Variants in SIVA1 observed in about 807,000 individuals in gnomAD.
SIVA1 encodes apoptosis regulatory protein Siva.
SIVA1 carries 10 observed loss-of-function variants against 19.7 expected under a neutral mutation model. That is an observed-to-expected ratio of 0.51 (90% CI 0.31 to 0.86). The LOEUF (loss-of-function observed/expected upper bound fraction) is 0.86, where lower values mean the gene tolerates loss of function less well. SIVA1 is among the 40% of genes least tolerant of loss of function. The probability of loss-of-function intolerance (pLI) is 0.04; values close to 1 mark genes in which losing one functional copy is unlikely to be tolerated. For synonymous variants in SIVA1, 130 were observed against 106.1 expected (o/e 1.23, Z -1.39); for missense variants, 241 against 245.2 (o/e 0.98, Z 0.11).
chr14:104,754,284 C>T (rs574970592), intron 1 of SIVA1, among the ~76,000 whole-genome samples: 1 of 152,186 alleles, frequency 6.6e-6, no homozygotes, highest in South Asian at 2.1e-4. Context: ...TACCTGGTGC[C>T]GCTTGTGCCT....
chr14:104,758,832 GT>G (rs1017407397), intron 3 of SIVA1: 2 of 152,394 alleles, frequency 1.3e-5, no homozygotes, highest in African/African-American at 4.8e-5. Flanking sequence ...GAAAAGCACT[GT>G]TTGATGTGCT....
At chr14:104,754,846 G>A (rs1046920341) in intron 1 of SIVA1, among the ~76,000 whole-genome samples, 1 of 152,198 alleles carries the variant, frequency 6.6e-6, no homozygotes, top group Non-Finnish European at 1.5e-5. Flanking sequence ...CTCCATGTGA[G>A]TTACCCTGTC....
In SIVA1 at chr14:104,756,615, G is replaced by T. The variant is rs754470403; in HGVS notation, c.325G>T (p.Val109Leu). 234 of 1,614,082 alleles carry T rather than the reference G, an allele frequency of 1.4e-4. No homozygotes were observed. Among genetic ancestry groups the T allele is most frequent in the Non-Finnish European group, 1.8e-4 (214 of 1,180,054 alleles). Residue 109 changes from valine (V) to leucine (L), a missense_variant, in exon 3 of 4, where the codon GTA becomes TTA. Transcript: ENST00000329967. Reference protein sequence around the residue: ...GQASEADPSGVASIACSSCVR... With the variant: ...GQASEADPSGLASIACSSCVR... ...TTTCTTCCTCACAGACCCATCTGGG[G>T]TAGCGTCCATTGCCTGTTCCTCATG...
intron 1 of SIVA1, 55 bp from the exon 2 acceptor site, chr14:104,755,575 C>T: frequency 6.7e-7 from 1 of 1,493,214 alleles, no homozygotes; most frequent in Non-Finnish European, 9.2e-7. Flanking sequence ...AATGGCCATG[C>T]AGGGGCTTCG....
rs1566810687 is a variant in SIVA1, at chr14:104,759,238, G to T, written c.471-190G>T. ...ACGTAGTCTTTTTAGGACGCTGGTC[G>T]TGTTGCCTTAGGGCCCCCATGTCAG... On this transcript the variant is annotated intron_variant, in intron 3 of 3. Transcript: ENST00000329967. The surrounding 1 kb of genome is among the most constrained non-coding windows in gnomAD (Gnocchi z 4.2). The T allele has an allele frequency of 6.1e-6, 3 of 487,936 alleles. No homozygotes were observed. Among genetic ancestry groups the T allele is most frequent in the Non-Finnish European group, 1.1e-5 (3 of 273,556 alleles). The allele number at this position is 487,936 out of a possible 1,614,324, so 30.2% of individuals were successfully genotyped here. A position where few individuals can be genotyped will look rare whatever the true frequency, so the allele number is the denominator to read the frequency against.
chr14:104,756,901 C>T, intron 3 of SIVA1, 141 bp downstream of exon 3: 1 of 975,082 alleles, frequency 1.0e-6, no homozygotes, highest in Non-Finnish European at 1.5e-6. Context: ...CCTAACGGGA[C>T]ATGGTGGCAA....
intron 1 of SIVA1, chr14:104,753,569 A>G: frequency 1.9e-6 from 1 of 516,328 alleles, no homozygotes; most frequent in Non-Finnish European, 3.5e-6. Flanking sequence ...CCCTGCCCCT[A>G]GCCCCCGCGC....
chr14:104,756,857 C>CAT (rs34992074), intron 3 of SIVA1, 97 bp downstream of exon 3: 707,232 of 1,361,472 alleles, frequency 0.52, 186,742 homozygotes, highest in African/African-American at 0.67. Flanking sequence ...AGAACACACA[C>CAT]GTGTGGCCCC....
At chr14:104,756,946 C>T (rs1015647919) in intron 3 of SIVA1, 186 bp downstream of exon 3, 4 of 655,152 alleles carry the variant, frequency 6.1e-6, no homozygotes, top group Non-Finnish European at 1.0e-5. Flanking sequence ...GTTAGTAATC[C>T]TCTCTAAGGG....
chr14:104,753,391 CTG>C, intron 1 of SIVA1, 72 bp downstream of exon 1: 7 of 1,035,768 alleles, frequency 6.8e-6, no homozygotes, highest in Non-Finnish European at 9.7e-6. Flanking sequence ...AGCGTCCCCT[CTG>C]AGGCCTGAGC....
rs200492089 is a variant in SIVA1, at chr14:104,753,243, A to G, written c.42A>G (p.Leu14=). 5.0e-6 allele frequency: 8 copies of G among 1,593,520 alleles called. No homozygotes were observed. The highest frequency in any genetic ancestry group is 1.4e-5 in the African/African-American group (1 of 73,402). ...RSCPFADVAP[L]QLKVRVSQRE... ...GCCCCTTCGCGGACGTGGCCCCGCT[A>G]CAGCTCAAGGTCCGCGTGAGCCAGA... The change falls in exon 1 of 4, where the codon CTA becomes CTG. Residue 14 remains leucine (L), a synonymous_variant. Transcript: ENST00000329967.
In SIVA1 at chr14:104,756,812, G is replaced by A. The variant is rs367816746; in HGVS notation, c.470+52G>A. On this transcript the variant is annotated intron_variant, in intron 3 of 3. Transcript: ENST00000329967. ...TGAGATCCCATAGCCCCAGCAAGCC[G>A]TGATGGGGGACGGGTGGGTCACCCA... 7.3e-5 allele frequency: 113 copies of A among 1,553,432 alleles called. No homozygotes were observed. In the African/African-American group the frequency reaches 1.1e-3, roughly 15 times the overall value.
intron 1 of SIVA1, among the ~76,000 whole-genome samples, chr14:104,754,518 T>C (rs1371100093): frequency 4.6e-5 from 7 of 152,212 alleles, no homozygotes. Flanking sequence ...TGGCTCAGTA[T>C]GGCCCTTTAT....
intron 1 of SIVA1, among the ~76,000 whole-genome samples, chr14:104,754,795 C>G (rs188418371): frequency 6.6e-6 from 1 of 152,096 alleles, no homozygotes; most frequent in East Asian, 1.9e-4. Flanking sequence ...GTGTGGGGGG[C>G]CAGGAGGAAG....
intron 1 of SIVA1, among the ~76,000 whole-genome samples, chr14:104,755,322 A>C (rs1481878211): frequency 6.6e-6 from 1 of 152,218 alleles, no homozygotes; most frequent in Non-Finnish European, 1.5e-5. Flanking sequence ...CCAGCCGTGA[A>C]TTGCAGAAAA....
chr14:104,755,679 C>CT lies in SIVA1; in HGVS notation c.168_169insT (p.Val57CysfsTer4). On this transcript the variant is annotated frameshift_variant, in exon 2 of 4. Transcript: ENST00000329967. LOFTEE classifies it high-confidence loss of function. ...TCGGGGCCCAGGCCTACCTGGACCA[C>CT]GTGTGGGATGAAGGCTGTGCCGTCG... 6.2e-7 allele frequency: 1 copy of CT among 1,613,988 alleles called. No homozygotes were observed.
intron 3 of SIVA1, chr14:104,757,163 T>G: frequency 2.9e-6 from 1 of 339,314 alleles, no homozygotes; most frequent in Non-Finnish European, 5.8e-6. Flanking sequence ...TTGTAGACCC[T>G]CTCAGGCAGG....
intron 2 of SIVA1, 89 bp from the exon 3 acceptor site, chr14:104,756,515 C>A: frequency 6.7e-7 from 1 of 1,495,782 alleles, no homozygotes. Context: ...AGCCCTCTGC[C>A]CTCAGGTATG....
chr14:104,756,728 C>T lies in SIVA1; in HGVS notation c.438C>T (p.Gly146=), dbSNP rs1188127030. The T allele has an allele frequency of 2.5e-6, 4 of 1,613,800 alleles. No homozygotes were observed. The highest frequency in any genetic ancestry group is 1.3e-5 in the African/African-American group (1 of 75,062). ...GTGTGCGCACCTGCTGGGGCTGCGG[C>T]TCCGTGGCCTGTACCCTGTGTGGCC... The part of the protein sequence containing the change: ...GQCVRTCWGC[G]SVACTLCGLV... The change falls in exon 3 of 4, where the codon GGC becomes GGT. Residue 146 remains glycine, a synonymous_variant. Transcript: ENST00000329967.
Sources: gnomAD v4.1 joint callset for allele counts (sites outside exome capture counted in the v4.1 genomes callset) on GRCh38, gnomAD v4.1.1 for gene constraint, Gnocchi (gnomAD v3.1) non-coding constraint, MANE v1.5 for transcripts, NCBI Gene and HGNC (gene_info 2026-07-23, HGNC 2026-07-21) for gene names.